The following PRKCA variants were observed in gnomAD, a reference collection of about 807,000 sequenced individuals.
PRKCA encodes protein kinase C alpha type.
PRKCA carries 27 observed loss-of-function variants against 87.0 expected under a neutral mutation model. The observed-to-expected ratio is 0.31, with a 90% CI of 0.23 to 0.43. The LOEUF is 0.43. PRKCA is among the 20% of genes least tolerant of loss of function. PRKCA has a pLI of 1.00. For synonymous variants in PRKCA, 329 were observed against 311.1 expected (o/e 1.06, Z -0.61); for missense variants, 518 against 852.3 (o/e 0.61, Z 4.88).
intron 5 of PRKCA, among the ~76,000 whole-genome samples, chr17:66,648,256 C>T (rs1050700102): frequency 6.6e-6 from 1 of 152,224 alleles, no homozygotes; most frequent in African/African-American, 2.4e-5. Flanking sequence ...GGCCCTACCT[C>T]TTAATACTAT....
At chr17:66,513,419 C>A (rs1285957059) in intron 3 of PRKCA, among the ~76,000 whole-genome samples, 2 of 152,086 alleles carry the variant, frequency 1.3e-5, no homozygotes, top group Non-Finnish European at 2.9e-5. Flanking sequence ...GAATATGCAG[C>A]CTATAAAATT....
chr17:66,670,196 G>A (rs1446714924), intron 5 of PRKCA, among the ~76,000 whole-genome samples: 1 of 152,130 alleles, frequency 6.6e-6, no homozygotes, highest in Non-Finnish European at 1.5e-5. Flanking sequence ...ATTTAAAGGC[G>A]AGCTAAAGAG....
At chr17:66,706,960 T>C (rs1336153013) in intron 8 of PRKCA, among the ~76,000 whole-genome samples, 1 of 152,176 alleles carries the variant, frequency 6.6e-6, no homozygotes, top group Non-Finnish European at 1.5e-5. Context: ...ATTGTGTTTG[T>C]TGATGGGGAA....
chr17:66,796,904 T>G, intron 16 of PRKCA: 1 of 985,400 alleles, frequency 1.0e-6, no homozygotes, highest in African/African-American at 1.7e-5. Flanking sequence ...AGCTCCCACC[T>G]CGTTAGGTTT....
intron 3 of PRKCA, among the ~76,000 whole-genome samples, chr17:66,527,926 G>A (rs1355108367): frequency 6.6e-6 from 1 of 152,112 alleles, no homozygotes; most frequent in African/African-American, 2.4e-5. Flanking sequence ...GGTTGGGCGC[G>A]GTAGCTCACG....
At chr17:66,406,446 A>G (rs1911382290) in intron 2 of PRKCA, among the ~76,000 whole-genome samples, 1 of 152,188 alleles carries the variant, frequency 6.6e-6, no homozygotes, top group South Asian at 2.1e-4. Flanking sequence ...CTGGAATCCA[A>G]AATAAAACTG....
rs1033822707 is a variant in PRKCA, at chr17:66,804,618, T to C, written c.*581T>C. On this transcript the variant is annotated 3_prime_UTR_variant, in exon 17 of 17. Transcript: ENST00000413366. ...ATCACTGTTCCCAAACATTGACAAA[T>C]CCTAACCCAACCATGGTCCAGCAGT... The C allele has an allele frequency of 9.2e-5, 14 of 152,478 alleles. No homozygotes were observed. Among genetic ancestry groups the C allele is most frequent in the African/African-American group, 3.4e-4 (14 of 41,302 alleles). 9.4% of individuals were successfully genotyped at this position (152,478 alleles called of 1,614,324 possible).
intron 3 of PRKCA, among the ~76,000 whole-genome samples, chr17:66,508,794 G>C (rs1352883141): frequency 6.6e-6 from 1 of 152,150 alleles, no homozygotes. Flanking sequence ...ACTCTGGACT[G>C]TTTCTCCTCT....
chr17:66,648,316 T>A (rs555536738), intron 5 of PRKCA, among the ~76,000 whole-genome samples: 22 of 152,368 alleles, frequency 1.4e-4, no homozygotes, highest in African/African-American at 4.8e-4. Context: ...CAGCAAATAG[T>A]AGCAGCAGCT....
intron 2 of PRKCA, among the ~76,000 whole-genome samples, chr17:66,360,521 G>GGCC (rs1908329287): frequency 6.6e-6 from 1 of 152,198 alleles, no homozygotes; most frequent in African/African-American, 2.4e-5. Flanking sequence ...GGTGCGGGGA[G>GGCC]GCCATGGATT....
At chr17:66,496,333 T>G (rs755558161) in intron 3 of PRKCA, 50 bp downstream of exon 3, 1 of 1,486,818 alleles carries the variant, frequency 6.7e-7, no homozygotes, top group Non-Finnish European at 9.4e-7. Flanking sequence ...TTTCTGAGCT[T>G]TAATTTTTTT....
intron 3 of PRKCA, among the ~76,000 whole-genome samples, chr17:66,546,915 C>G (rs1968161686): frequency 6.6e-6 from 1 of 152,116 alleles, no homozygotes; most frequent in African/African-American, 2.4e-5. Context: ...AAGAACCTTA[C>G]AACAGTTTAC....
chr17:66,521,134 A>G (rs57306576), intron 3 of PRKCA, among the ~76,000 whole-genome samples: 22,216 of 152,150 alleles, frequency 0.15, 1,872 homozygotes, highest in East Asian at 0.3. Flanking sequence ...CCCCTTAAAA[A>G]AAAAAAGTAC....
chr17:66,726,414 C>T (rs1268591767), intron 8 of PRKCA, among the ~76,000 whole-genome samples: 1 of 152,182 alleles, frequency 6.6e-6, no homozygotes, highest in East Asian at 1.9e-4. Context: ...CCCTGCCCTC[C>T]CAGACTTGCA....
chr17:66,703,003 G>T lies in PRKCA; in HGVS notation c.918+13956G>T, dbSNP rs74655330. ...TATAGGGCACTTACCCTGAATGGAG[G>T]TTGCAGGACTGGAAGTTACTCTGGG... On this transcript the variant is annotated intron_variant, in intron 8 of 16. Transcript: ENST00000413366. Among the ~76,000 whole-genome samples the T allele has an allele frequency of 2.3e-3, 343 of 152,314 alleles. 2 individuals are homozygous for T. Among genetic ancestry groups the T allele is most frequent in the African/African-American group, 7.9e-3 (330 of 41,570 alleles).
chr17:66,798,435 C>CGTGGTGGT (rs1975736742), intron 16 of PRKCA, among the ~76,000 whole-genome samples: 2 of 13,686 alleles, frequency 1.5e-4, no homozygotes, highest in Non-Finnish European at 1.3e-4. Flanking sequence ...GTGGTGGTGA[C>CGTGGTGGT]GGTGGTGGTG....
intron 3 of PRKCA, among the ~76,000 whole-genome samples, chr17:66,634,063 A>G (rs1266398475): frequency 1.3e-5 from 2 of 152,216 alleles, no homozygotes; most frequent in Non-Finnish European, 2.9e-5. Flanking sequence ...GATGATGGTG[A>G]TAAAGAGAAA....
intron 16 of PRKCA, chr17:66,796,788 G>A (rs1042980231): frequency 1.2e-5 from 12 of 985,224 alleles, no homozygotes; most frequent in Middle Eastern, 5.2e-4. Context: ...AGATGGTGGC[G>A]ATGCGGTTGC....
intron 3 of PRKCA, among the ~76,000 whole-genome samples, chr17:66,554,044 A>T (rs1968422149): frequency 6.6e-6 from 1 of 152,120 alleles, no homozygotes; most frequent in Non-Finnish European, 1.5e-5. Flanking sequence ...CCTGTAAGTG[A>T]AGAACTGGGC....
Sources: gnomAD v4.1 joint callset for allele counts (sites outside exome capture counted in the v4.1 genomes callset) on GRCh38, gnomAD v4.1.1 for gene constraint, MANE v1.5 for transcripts, NCBI Gene and HGNC (gene_info 2026-07-23, HGNC 2026-07-21) for gene names.